The following HOXB5 variants were observed in gnomAD, a reference collection of about 807,000 sequenced individuals.
HOXB5 encodes the protein homeobox B5.
Under a neutral mutation model 19.6 loss-of-function variants are expected in HOXB5, and 10 were observed. That is an observed-to-expected ratio of 0.51 (90% CI 0.32 to 0.87). The LOEUF is 0.87. Ranked by LOEUF, HOXB5 falls within the 40% of genes least tolerant of loss-of-function variation. The pLI is 0.04. For synonymous variants in HOXB5, 167 were observed against 156.9 expected (o/e 1.06, Z -0.48); for missense variants, 353 against 369.6 (o/e 0.96, Z 0.37).
At chr17:48,592,573 C>T in intron 1 of HOXB5, 117 bp from the exon 2 acceptor site, 1 of 1,017,728 alleles carries the variant, frequency 9.8e-7, no homozygotes, top group Non-Finnish European at 1.4e-6. Flanking sequence ...CTCACCACAG[C>T]TCCAATCCTC....
intron 1 of HOXB5, 59 bp from the exon 2 acceptor site, chr17:48,592,515 T>TG: frequency 1.0e-5 from 1 of 97,686 alleles, no homozygotes; most frequent in South Asian, 7.9e-5. Flanking sequence ...GAGGGGGCAC[T>TG]GGGTGGGAGG....
At position 48,593,433 on chromosome 17, in the gene HOXB5, G is replaced by A. The variant is rs778904505; in HGVS notation, c.250C>T (p.Arg84Cys). 5.0e-6 allele frequency: 8 copies of A among 1,609,936 alleles called. No homozygotes were observed. The African/African-American group carries it at 6.7e-5, about 13-fold the overall frequency. ...CAGCTCGAAGCCGCTTGCCTGAAGC[G>A]GGGCTCCTGGGCGGGCGCGGGGAAG... Reference protein sequence around the residue: ...RAFPAPAQEPRFRQAASSCSL... With the variant: ...RAFPAPAQEPCFRQAASSCSL... The change falls in exon 1 of 2, where the codon CGC (arginine) becomes TGC (cysteine). Residue 84 changes from arginine to cysteine, a missense_variant. Physicochemically the swap from Arg to Cys is radical, Grantham distance 180 (BLOSUM62 -3). Transcript: ENST00000239151.
rs765454284 is a variant in HOXB5, at chr17:48,593,591, C to T, written c.92G>A (p.Ser31Asn). The change falls in exon 1 of 2, where the codon AGC (serine) becomes AAC (asparagine). Residue 31 changes from serine (S) to asparagine (N), a missense_variant. By Grantham distance (46) the Ser-to-Asn change is conservative. Transcript: ENST00000239151. ...GGCAGCGGGATCCCTGTAAGAGCCGCTCAGAGAGCTGCCACTGCCATAATT... is the reference window on the plus strand; with the variant it reads ...GGCAGCGGGATCCCTGTAAGAGCCGTTCAGAGAGCTGCCACTGCCATAATT... ...LLNYGSGSSL[S>N]GSYRDPAAMH... The T allele has an allele frequency of 1.9e-6, 3 of 1,613,070 alleles. No homozygotes were observed. The highest frequency in any genetic ancestry group is 2.5e-6 in the Non-Finnish European group (3 of 1,180,030).
Position 48,592,035 on chromosome 17 carries a change from C to T in HOXB5, c.*174G>A, listed in dbSNP as rs2070163246. The stretch of plus-strand genomic sequence containing the variant: ...TAACAATAATAACAAGATAACCAGT[C>T]CAGGAGAGAGGGAGCCACAGGAAGA... On this transcript the variant is annotated 3_prime_UTR_variant, in exon 2 of 2. Transcript: ENST00000239151. The T allele has an allele frequency of 2.3e-5, 14 of 607,790 alleles. No individual in the cohort carries two copies. The highest frequency in any genetic ancestry group is 3.7e-5 in the Non-Finnish European group (13 of 348,752). The allele number at this position is 607,790 out of a possible 1,614,324, so 37.6% of individuals were successfully genotyped here. A position where few individuals can be genotyped will look rare whatever the true frequency, so the allele number is the denominator to read the frequency against.
intron 1 of HOXB5, 122 bp from the exon 2 acceptor site, chr17:48,592,578 A>G (rs2070179140): frequency 8.0e-6 from 8 of 1,005,862 alleles, no homozygotes; most frequent in African/African-American, 3.3e-5. Context: ...CACAGCTCCA[A>G]TCCTCTCTAC....
chr17:48,592,848 T>C (rs1169223706), intron 1 of HOXB5, among the ~76,000 whole-genome samples: 4 of 152,186 alleles, frequency 2.6e-5, no homozygotes, highest in Non-Finnish European at 5.9e-5. Context: ...CCCCACATTA[T>C]ATGAACCCCA....
Position 48,593,690 on chromosome 17 carries a change from A to AT in HOXB5, c.-9dup, listed in dbSNP as rs764463386. On this transcript the variant is annotated 5_prime_UTR_variant, in exon 1 of 2. Transcript: ENST00000239151. ...TACAAAGTACGAGCTCATTTGGGTG[A>AT]TTTTGGAGGGCTTGATTTGTGGATC... 3 of 1,601,392 alleles carry AT rather than the reference A, an allele frequency of 1.9e-6. No individual in the cohort carries two copies. The highest frequency in any genetic ancestry group is 2.7e-5 in the African/African-American group (2 of 74,162).
At chr17:48,592,520 G>A (rs1446498230) in intron 1 of HOXB5, 64 bp from the exon 2 acceptor site, 2 of 1,357,164 alleles carry the variant, frequency 1.5e-6, no homozygotes, top group East Asian at 2.5e-5. Context: ...GGCACTGGGT[G>A]GGAGGGGGCG....
chr17:48,592,132 G>A lies in HOXB5; in HGVS notation c.*77C>T. The A allele has an allele frequency of 6.6e-7, 1 of 1,511,530 alleles. No individual in the cohort carries two copies. The allele number at this position is 1,511,530 out of a possible 1,614,324, so 93.6% of individuals were successfully genotyped here. ...GGGAACCGGTCCCCAGCGGGCGGCG[G>A]CAGAGCGGGGAGGATTGGAGGGGCC... is the stretch of plus-strand genomic sequence containing the variant. On this transcript the variant is annotated 3_prime_UTR_variant, in exon 2 of 2. Coordinates refer to ENST00000239151, the MANE Select transcript of HOXB5 (RefSeq NM_002147.4).
Position 48,592,152 on chromosome 17 carries a change from G to C in HOXB5, c.*57C>G. On this transcript the variant is annotated 3_prime_UTR_variant, in exon 2 of 2. Coordinates refer to ENST00000239151, the MANE Select transcript of HOXB5 (RefSeq NM_002147.4). Reference sequence around the variant, plus strand: ...CGGCGGCAGAGCGGGGAGGATTGGAGGGGCCAGGGCTGGGGGTGGCACGGG... The same window carrying C: ...CGGCGGCAGAGCGGGGAGGATTGGACGGGCCAGGGCTGGGGGTGGCACGGG... 1 of 1,572,150 alleles carries C rather than the reference G, an allele frequency of 6.4e-7. No homozygotes were observed. The highest frequency in any genetic ancestry group is 8.6e-7 in the Non-Finnish European group (1 of 1,158,564).
In HOXB5 at chr17:48,591,980, T is replaced by G; in HGVS notation, c.*229A>C. 1 of 289,348 alleles carries G rather than the reference T, an allele frequency of 3.5e-6. No individual in the cohort carries two copies. Among genetic ancestry groups the G allele is most frequent in the Non-Finnish European group, 6.2e-6 (1 of 161,546 alleles). The allele number at this position is 289,348 out of a possible 1,614,324, so 17.9% of individuals were successfully genotyped here. ...GACAAGCAGAAGGGAGTTGGGAGCA[T>G]GGAAGGAAAATAATAATAATAATTA... On this transcript the variant is annotated 3_prime_UTR_variant, in exon 2 of 2. Coordinates refer to ENST00000239151, the MANE Select transcript of HOXB5 (RefSeq NM_002147.4).
At position 48,592,379 on chromosome 17, in the gene HOXB5, G is replaced by A. The variant is rs1167606917; in HGVS notation, c.640C>T (p.His214Tyr). 11 of 1,614,108 alleles carry A rather than the reference G, an allele frequency of 6.8e-6. No homozygotes were observed. The highest frequency in any genetic ancestry group is 1.3e-5 in the African/African-American group (1 of 74,934). The change falls in exon 2 of 2, where the codon CAC becomes TAC. Residue 214 changes from histidine (H) to tyrosine (Y), a missense_variant. His to Tyr is a moderately conservative substitution (Grantham distance 83). Transcript: ENST00000239151. ...YQTLELEKEFHFNRYLTRRRR... is the reference protein window; with the variant it reads ...YQTLELEKEFYFNRYLTRRRR... ...CGCCGGGTCAGGTAGCGGTTGAAGT[G>A]GAACTCCTTTTCCAGCTCCAGGGTC...
In HOXB5 at chr17:48,593,307, A is replaced by G; in HGVS notation, c.376T>C (p.Ser126Pro). The change falls in exon 1 of 2, where the codon TCC (serine) becomes CCC (proline). Residue 126 changes from serine (S) to proline (P), a missense_variant. Coordinates refer to ENST00000239151, the MANE Select transcript of HOXB5 (RefSeq NM_002147.4). ...SPSDQATSAS[S>P]SANFTEIDEA... is the part of the protein sequence containing the mutation. ...TCTATTTCGGTGAAATTGGCGCTGG[A>G]GCTGGCTGAGGTCGCCTGGTCGGAG... 1 of 1,612,566 alleles carries G rather than the reference A, an allele frequency of 6.2e-7. No individual in the cohort carries two copies. The highest frequency in any genetic ancestry group is 1.3e-5 in the African/African-American group (1 of 75,010).
rs892163427 is a variant in HOXB5, at chr17:48,593,374, G to A, written c.309C>T (p.Thr103=). ...SLSSPESLPC[T]NGDSHGAKPS... ...GCTTGGCGCCGTGGCTGTCGCCGTT[G>A]GTGCAGGGCAGGGACTCGGGCGAGG... Residue 103 remains threonine (T), a synonymous_variant, in exon 1 of 2, where the codon ACC becomes ACT. Transcript: ENST00000239151. 1.3e-6 allele frequency: 2 copies of A among 1,599,342 alleles called. No homozygotes were observed. Among genetic ancestry groups the A allele is most frequent in the Non-Finnish European group, 1.7e-6 (2 of 1,170,134 alleles).
intron 1 of HOXB5, 55 bp downstream of exon 1, chr17:48,593,064 CCA>C: frequency 1.4e-6 from 1 of 725,178 alleles, no homozygotes; most frequent in Non-Finnish European, 2.2e-6. Flanking sequence ...CCCCCCGATC[CCA>C]CCCCAAAACG....
Position 48,593,484 on chromosome 17 carries a change from C to T in HOXB5, c.199G>A (p.Gly67Arg), listed in dbSNP as rs977513559. 1 of 1,613,406 alleles carries T rather than the reference C, an allele frequency of 6.2e-7. No homozygotes were observed. The highest frequency in any genetic ancestry group is 2.2e-5 in the East Asian group (1 of 44,864). The change falls in exon 1 of 2, where the codon GGG becomes AGG. Residue 67 changes from glycine to arginine, a missense_variant. Coordinates refer to ENST00000239151, the MANE Select transcript of HOXB5 (RefSeq NM_002147.4). ...GCGCGCGAGCTCTCGCCCACCGCCCCAAAGTGGCTGGAGGAGGCCGAGGAG... is the reference window on the plus strand; with the variant it reads ...GCGCGCGAGCTCTCGCCCACCGCCCTAAAGTGGCTGGAGGAGGCCGAGGAG... Reference protein sequence around the residue: ...NRSSASSSHFGAVGESSRAFP... With the variant: ...NRSSASSSHFRAVGESSRAFP...
chr17:48,592,006 T>C lies in HOXB5; in HGVS notation c.*203A>G. On this transcript the variant is annotated 3_prime_UTR_variant, in exon 2 of 2. Coordinates refer to ENST00000239151, the MANE Select transcript of HOXB5 (RefSeq NM_002147.4). The stretch of plus-strand genomic sequence containing the variant: ...GGAAGGAAAATAATAATAATAATTA[T>C]TATTAACAATAATAACAAGATAACC... 3 of 359,456 alleles carry C rather than the reference T, an allele frequency of 8.3e-6. 1 individual carries two copies. Among genetic ancestry groups the C allele is most frequent in the Non-Finnish European group, 1.5e-5 (3 of 203,864 alleles). The allele number at this position is 359,456 out of a possible 1,614,324, so 22.3% of individuals were successfully genotyped here.
Position 48,592,105 on chromosome 17 carries a change from G to C in HOXB5, c.*104C>G, listed in dbSNP as rs2070165318. Reference sequence around the variant, plus strand: ...TCGTAACACAAGGCGAGGCAGGCTTGTGGGAACCGGTCCCCAGCGGGCGGC... The same window carrying C: ...TCGTAACACAAGGCGAGGCAGGCTTCTGGGAACCGGTCCCCAGCGGGCGGC... On this transcript the variant is annotated 3_prime_UTR_variant, in exon 2 of 2. Transcript: ENST00000239151. 4 of 1,355,038 alleles carry C rather than the reference G, an allele frequency of 3.0e-6. No homozygotes were observed. The highest frequency in any genetic ancestry group is 1.0e-6 in the Non-Finnish European group (1 of 996,022). 83.9% of individuals were successfully genotyped at this position (1,355,038 alleles called of 1,614,324 possible). A position where few individuals can be genotyped will look rare whatever the true frequency, so the allele number is the denominator to read the frequency against.
chr17:48,593,190 A>G lies in HOXB5; in HGVS notation c.493T>C (p.Ser165Pro). 6.2e-7 allele frequency: 1 copy of G among 1,605,396 alleles called. No homozygotes were observed. The change falls in exon 1 of 2, where the codon TCC (serine) becomes CCC (proline). Residue 165 changes from serine to proline, a missense_variant. Physicochemically the swap from Ser to Pro is moderately conservative, Grantham distance 74. Coordinates refer to ENST00000239151, the MANE Select transcript of HOXB5 (RefSeq NM_002147.4). Reference sequence around the variant, plus strand: ...GTCTGCCCCTCGGGCGCGGCTGTGGAGGTGGCCATGGGCTCTGGCTGCGCC... The same window carrying G: ...GTCTGCCCCTCGGGCGCGGCTGTGGGGGTGGCCATGGGCTCTGGCTGCGCC... ...ARAQPEPMAT[S>P]TAAPEGQTPQ...
Sources: allele counts gnomAD v4.1 joint callset (sites outside exome capture counted in the v4.1 genomes callset), GRCh38; gene constraint gnomAD v4.1.1; transcripts MANE v1.5; gene names NCBI Gene and HGNC (gene_info 2026-07-23, HGNC 2026-07-21).